CAMK1D: variants seen among roughly 807,000 people sequenced by gnomAD.
CAMK1D encodes the protein calcium/calmodulin dependent protein kinase ID, also known as calcium/calmodulin-dependent protein kinase type 1D.
Under a neutral mutation model 47.7 loss-of-function variants are expected in CAMK1D, and 9 were observed. That is an observed-to-expected ratio of 0.19 (90% confidence interval 0.11 to 0.33). The LOEUF (loss-of-function observed/expected upper bound fraction) is 0.33. Among genes scored for constraint, CAMK1D ranks in the 10% least tolerant of loss-of-function variants. CAMK1D has a pLI of 1.00. For synonymous variants in CAMK1D, 184 were observed against 184.9 expected, an observed-to-expected ratio of 0.99 and a Z score of 0.04; for missense variants, 291 against 488.7, an observed-to-expected ratio of 0.60 and a Z score of 3.81.
intron 3 of CAMK1D, among the ~76,000 whole-genome samples, chr10:12,739,620 GA>G (rs1044044232): frequency 6.6e-6 from 1 of 151,564 alleles, no homozygotes; most frequent in African/African-American, 2.4e-5. Context: ...ATACAACTTA[GA>G]AAAAAAAGAT....
At chr10:12,572,838 G>A (rs771728351) in intron 2 of CAMK1D, among the ~76,000 whole-genome samples, 1 of 152,084 alleles carries the variant, frequency 6.6e-6, no homozygotes, top group Non-Finnish European at 1.5e-5. Context: ...TCAGTATGTT[G>A]CCCAGGCTGG....
At chr10:12,663,385 G>A (rs552080532) in intron 2 of CAMK1D, among the ~76,000 whole-genome samples, 283 of 152,258 alleles carry the variant, frequency 1.9e-3, no homozygotes, top group African/African-American at 2.6e-3. Flanking sequence ...AATATAAACC[G>A]TATTGTAGGA....
At chr10:12,505,870 C>A (rs1834854753) in intron 1 of CAMK1D, among the ~76,000 whole-genome samples, 2 of 152,146 alleles carry the variant, frequency 1.3e-5, no homozygotes, top group Non-Finnish European at 2.9e-5. Flanking sequence ...TCCTCCTCCT[C>A]CTCCTCCTCC....
At chr10:12,799,628 G>A (rs2131027459) in intron 6 of CAMK1D, among the ~76,000 whole-genome samples, 1 of 152,302 alleles carries the variant, frequency 6.6e-6, no homozygotes, top group South Asian at 2.1e-4. Flanking sequence ...CACCCCTCGT[G>A]AGAACTAACT....
chr10:12,512,435 G>A (rs769453613), intron 1 of CAMK1D, among the ~76,000 whole-genome samples: 2 of 152,086 alleles, frequency 1.3e-5, no homozygotes, highest in African/African-American at 4.8e-5. Flanking sequence ...CTGCTCTGTC[G>A]CCCAGGCTGG....
chr10:12,474,237 C>T (rs1418303450), intron 1 of CAMK1D, among the ~76,000 whole-genome samples: 1 of 136,122 alleles, frequency 7.3e-6, no homozygotes, highest in Non-Finnish European at 1.5e-5. Context: ...CTTGCTCTGT[C>T]ACCCAGGCTG....
intron 10 of CAMK1D, among the ~76,000 whole-genome samples, chr10:12,827,283 T>TTC (rs781623634): frequency 1.5e-5 from 2 of 133,996 alleles, no homozygotes; most frequent in African/African-American, 2.8e-5. Context: ...TTTCTTTTCT[T>TTC]TTTCTTTCTT....
At chr10:12,752,468 A>C (rs1373752446) in intron 3 of CAMK1D, among the ~76,000 whole-genome samples, 3 of 152,120 alleles carry the variant, frequency 2.0e-5, no homozygotes, top group African/African-American at 7.2e-5. Context: ...GGGATGATGG[A>C]TGAGAAATTA....
chr10:12,750,275 G>A (rs901874798), intron 3 of CAMK1D, among the ~76,000 whole-genome samples: 5 of 152,244 alleles, frequency 3.3e-5, no homozygotes, highest in South Asian at 2.1e-4. Context: ...GTCCCCACCC[G>A]GGGGTCACTC....
Position 12,648,241 on chromosome 10 carries a change from G to A in CAMK1D, c.225-18495G>A, listed in dbSNP as rs146187508. Among the ~76,000 whole-genome samples the A allele has an allele frequency of 5.3e-5, 8 of 152,256 alleles. No homozygotes were observed. The East Asian group carries it at 1.5e-3, about 29-fold the overall frequency. On this transcript the variant is annotated intron_variant, in intron 2 of 10. Coordinates refer to ENST00000619168, the MANE Select transcript of CAMK1D (RefSeq NM_153498.4). ...TAATTCTCCCGTCTGTAAATGGAGG[G>A]CTGGCTAGAATATTGGTTTCCAGAT...
At chr10:12,697,614 G>T (rs1350128672) in intron 3 of CAMK1D, among the ~76,000 whole-genome samples, 5 of 152,322 alleles carry the variant, frequency 3.3e-5, no homozygotes, top group Middle Eastern at 3.4e-3. Flanking sequence ...GGCCAGGTTG[G>T]TCTCAAACTT....
At chr10:12,686,164 C>T (rs895239874) in intron 3 of CAMK1D, among the ~76,000 whole-genome samples, 1 of 152,146 alleles carries the variant, frequency 6.6e-6, no homozygotes, top group Admixed American at 6.5e-5. Context: ...TAACATTGTT[C>T]ACACATTGAC....
At chr10:12,593,077 C>T (rs1838043815) in intron 2 of CAMK1D, among the ~76,000 whole-genome samples, 3 of 152,174 alleles carry the variant, frequency 2.0e-5, no homozygotes, top group Non-Finnish European at 4.4e-5. Context: ...TTAGACTTTG[C>T]AGGCCATATA....
intron 1 of CAMK1D, among the ~76,000 whole-genome samples, chr10:12,439,897 C>T (rs575492134): frequency 1.2e-4 from 18 of 152,248 alleles, no homozygotes; most frequent in South Asian, 4.1e-4. Flanking sequence ...TCTTACATGG[C>T]GGCAGGCAAG....
At chr10:12,398,117 GT>G (rs1363780017) in intron 1 of CAMK1D, among the ~76,000 whole-genome samples, 3 of 152,140 alleles carry the variant, frequency 2.0e-5, no homozygotes, top group Admixed American at 1.3e-4. Flanking sequence ...AGTGTAACCA[GT>G]GGAGCTAAAT....
chr10:12,663,519 A>G (rs1454100462), intron 2 of CAMK1D, among the ~76,000 whole-genome samples: 1 of 152,112 alleles, frequency 6.6e-6, no homozygotes, highest in African/African-American at 2.4e-5. Flanking sequence ...AATGACCAGG[A>G]GGCTGATTTC....
chr10:12,421,785 G>GT (rs557835868), intron 1 of CAMK1D, among the ~76,000 whole-genome samples: 84 of 150,244 alleles, frequency 5.6e-4, no homozygotes, highest in African/African-American at 1.9e-3. Context: ...TGCCTTTGTG[G>GT]TTTTTTTTCT....
At chr10:12,681,203 A>G (rs1255444454) in intron 3 of CAMK1D, among the ~76,000 whole-genome samples, 4 of 152,246 alleles carry the variant, frequency 2.6e-5, no homozygotes, top group African/African-American at 9.6e-5. Flanking sequence ...CTACGGCTCT[A>G]TCATCCTGAT....
At chr10:12,638,642 G>T (rs2132481514) in intron 2 of CAMK1D, among the ~76,000 whole-genome samples, 1 of 152,286 alleles carries the variant, frequency 6.6e-6, no homozygotes, top group East Asian at 1.9e-4. Context: ...AGAGTAGCCT[G>T]CTGGCTGGAG....
Sources: gnomAD v4.1 joint callset for allele counts (sites outside exome capture counted in the v4.1 genomes callset) on GRCh38, gnomAD v4.1.1 for gene constraint, MANE v1.5 for transcripts, NCBI Gene and HGNC (gene_info 2026-07-23, HGNC 2026-07-21) for gene names.